Variants in ZC3H12B observed in about 807,000 individuals in gnomAD.
ZC3H12B encodes probable ribonuclease ZC3H12B.
In ZC3H12B, 7 loss-of-function variants were observed where a neutral mutation model predicts 43.9. The observed-to-expected ratio is 0.16, with a 90% CI of 0.09 to 0.30. ZC3H12B has a LOEUF of 0.30. Ranked by LOEUF, ZC3H12B falls within the 10% of genes least tolerant of loss-of-function variation. The pLI is 1.00. For missense variants in ZC3H12B, 475 were observed against 670.2 expected (o/e 0.71, Z 3.22); for synonymous variants, 222 against 241.7 (o/e 0.92, Z 0.76).
chrX:65,230,148 A>T, the ZC3H12B span, among the ~76,000 whole-genome samples: 1 of 111,488 alleles, frequency 9.0e-6, no homozygotes, highest in African/African-American at 3.3e-5. Context: ...ATGTCCAACA[A>T]TGATAGACTG....
chrX:65,212,485 ATATT>A, the ZC3H12B span, among the ~76,000 whole-genome samples: 2 of 68,333 alleles, frequency 2.9e-5, no homozygotes, highest in African/African-American at 1.2e-4. Flanking sequence ...TAAATAATAT[ATATT>A]ATATAATATA....
At chrX:65,181,325 A>T in the ZC3H12B span, among the ~76,000 whole-genome samples, 11 of 111,859 alleles carry the variant, frequency 9.8e-5, no homozygotes, top group Admixed American at 1.1e-3. Flanking sequence ...AGGCAATACC[A>T]TTCAGGACAT....
chrX:65,473,807 G>GT (rs956426211), intron 3 of ZC3H12B, among the ~76,000 whole-genome samples: 1 of 111,248 alleles, frequency 9.0e-6, no homozygotes, highest in Non-Finnish European at 1.9e-5. Flanking sequence ...TTGCTTTCTA[G>GT]TTTTTTTCAT....
chrX:65,193,372 G>A, the ZC3H12B span, among the ~76,000 whole-genome samples: 1 of 111,417 alleles, frequency 9.0e-6, no homozygotes, highest in East Asian at 2.8e-4. Context: ...TTAGTTGGTT[G>A]TATGTGTCTA....
the ZC3H12B span, among the ~76,000 whole-genome samples, chrX:65,281,960 G>A: frequency 8.1e-5 from 9 of 111,602 alleles, no homozygotes; most frequent in East Asian, 2.0e-3. Context: ...TAAACATAGG[G>A]AAACCAATAA....
chrX:65,352,317 G>A, the ZC3H12B span, among the ~76,000 whole-genome samples: 3 of 110,860 alleles, frequency 2.7e-5, no homozygotes, highest in South Asian at 3.8e-4. Flanking sequence ...GGCCTGTCCC[G>A]GGGGTGGGAG....
the ZC3H12B span, chrX:65,186,468 G>T: frequency 1.9e-5 from 2 of 103,359 alleles, no homozygotes; most frequent in African/African-American, 3.6e-5. Flanking sequence ...CTCCAGCCTG[G>T]GCCACAGAGT....
rs190705151 is a variant in ZC3H12B, at chrX:65,450,994, C to G, written n.408-37652C>G. Among the ~76,000 whole-genome samples, 12 of 106,038 alleles carry G rather than the reference C, an allele frequency of 1.1e-4. No homozygotes were observed. The East Asian group carries it at 3.5e-3, about 31-fold the overall frequency. The allele number at this position is 106,038 out of a possible 115,157, so 92.1% of individuals were successfully genotyped here. On this transcript the variant is annotated intron_variant and non_coding_transcript_variant, in intron 3 of 5. Coordinates refer to the ZC3H12B transcript ENST00000617377. ...AATTCAATTCTTTTGTTCATCCAGG[C>G]TGAAGTGCAGTGGTGCGATCTCACC... is the stretch of plus-strand genomic sequence containing the variant.
chrX:65,477,410 TGAA>T (rs2068008443), intron 3 of ZC3H12B, among the ~76,000 whole-genome samples: 1 of 110,734 alleles, frequency 9.0e-6, no homozygotes, highest in African/African-American at 3.3e-5. Context: ...AGGAGTTGTG[TGAA>T]GAAGAGGAAA....
chrX:65,154,967 GT>G, the ZC3H12B span, among the ~76,000 whole-genome samples: 806 of 102,013 alleles, frequency 7.9e-3, 5 homozygotes, highest in Non-Finnish European at 0.012. Context: ...GTTTGCTAAG[GT>G]TTTTTTTTTT....
At chrX:65,353,228 G>C in the ZC3H12B span, among the ~76,000 whole-genome samples, 1 of 111,209 alleles carries the variant, frequency 9.0e-6, no homozygotes, top group African/African-American at 3.3e-5. Context: ...ATACGACAGG[G>C]TACTTAATAA....
exon 5 of ZC3H12B, chrX:65,501,858 C>T (rs1569427027): frequency 1.7e-6 from 2 of 1,202,277 alleles, no homozygotes; most frequent in East Asian, 3.0e-5. Context: ...CCCCAGCGTT[C>T]GGTGGCTGAT....
the ZC3H12B span, among the ~76,000 whole-genome samples, chrX:65,142,495 G>A: frequency 8.9e-6 from 1 of 112,129 alleles, no homozygotes; most frequent in African/African-American, 3.2e-5. Context: ...CTGTGCAAAA[G>A]TTCTTTAACT....
chrX:65,247,824 G>A, the ZC3H12B span, among the ~76,000 whole-genome samples: 1 of 111,619 alleles, frequency 9.0e-6, no homozygotes, highest in Admixed American at 9.5e-5. Flanking sequence ...CAGCAAACCT[G>A]CATGACACAG....
the ZC3H12B span, among the ~76,000 whole-genome samples, chrX:65,053,104 G>T: frequency 1.8e-5 from 2 of 110,748 alleles, no homozygotes; most frequent in Non-Finnish European, 3.8e-5. Context: ...TTTGCCATTT[G>T]TGTGTCTTTT....
At chrX:65,165,609 T>A in the ZC3H12B span, among the ~76,000 whole-genome samples, 1 of 112,483 alleles carries the variant, frequency 8.9e-6, no homozygotes, top group Admixed American at 9.5e-5. Flanking sequence ...TCCATCTCCC[T>A]ACAAATGACA....
chrX:65,360,099 A>G, the ZC3H12B span, among the ~76,000 whole-genome samples: 1 of 112,228 alleles, frequency 8.9e-6, no homozygotes, highest in Admixed American at 9.5e-5. Flanking sequence ...ATATTTTCAA[A>G]AAAGTGTGCA....
the ZC3H12B span, among the ~76,000 whole-genome samples, chrX:65,249,110 G>T: frequency 9.0e-6 from 1 of 111,553 alleles, no homozygotes; most frequent in Admixed American, 9.5e-5. Context: ...TCATCTTTGT[G>T]TTTATTGCAT....
the ZC3H12B span, among the ~76,000 whole-genome samples, chrX:65,298,799 A>G: frequency 2.7e-5 from 3 of 112,194 alleles, no homozygotes; most frequent in Non-Finnish European, 5.6e-5. Context: ...CTCACAGTTC[A>G]ACATAGCTGC....
Sources: gnomAD v4.1 joint callset for allele counts (sites outside exome capture counted in the v4.1 genomes callset) on GRCh38, gnomAD v4.1.1 for gene constraint, MANE v1.5 for transcripts, NCBI Gene and HGNC (gene_info 2026-07-23, HGNC 2026-07-21) for gene names.